MACROD2: variants seen among roughly 807,000 people sequenced by gnomAD.
MACROD2 encodes the protein ADP-ribose glycohydrolase MACROD2.
A neutral mutation model predicts 70.4 loss-of-function variants in MACROD2; 36 were observed. The ratio of observed to expected loss-of-function variants is 0.51; its 90% CI spans 0.39 to 0.68. MACROD2 has a LOEUF of 0.68. Among genes scored for constraint, MACROD2 ranks in the 30% least tolerant of loss-of-function variants. The pLI is 0.00. For missense variants in MACROD2, 496 were observed against 538.4 expected (o/e 0.92, Z 0.78); for synonymous variants, 172 against 178.8 (o/e 0.96, Z 0.30).
In MACROD2 at chr20:15,696,302, A is replaced by G. The variant is rs553285346; in HGVS notation, c.646-166443A>G. Reference sequence around the variant, plus strand: ...TTGTTCTGCATCTATTGAGATGATCATGTGATTTTTTGTTTTTAATTCTGT... The same window carrying G: ...TTGTTCTGCATCTATTGAGATGATCGTGTGATTTTTTGTTTTTAATTCTGT... On this transcript the variant is annotated intron_variant, in intron 8 of 17. Coordinates refer to ENST00000684519, the MANE Select transcript of MACROD2 (RefSeq NM_001351661.2). 1.7e-3 allele frequency among the ~76,000 whole-genome samples: 256 copies of G among 152,306 alleles called. 1 individual carries two copies. Among genetic ancestry groups the G allele is most frequent in the African/African-American group, 5.6e-3 (233 of 41,568 alleles).
rs77804329 is a variant in MACROD2 at position 14,140,578 on chromosome 20, C to G, written c.271+54850C>G. On this transcript the variant is annotated intron_variant, in intron 3 of 17. Coordinates refer to ENST00000684519, the MANE Select transcript of MACROD2 (RefSeq NM_001351661.2). ...CCCTGTATTTTTAATATACATATAC[C>G]CATATCTTTTTAGTCTTAATGTTTT... 2.6e-3 allele frequency among the ~76,000 whole-genome samples: 402 copies of G among 152,148 alleles called. 1 individual carries two copies. The highest frequency in any genetic ancestry group is 9.3e-3 in the African/African-American group (386 of 41,510).
At chr20:15,174,849 GTTGT>G (rs1344714780) in intron 5 of MACROD2, among the ~76,000 whole-genome samples, 20 of 152,092 alleles carry the variant, frequency 1.3e-4, no homozygotes, top group African/African-American at 4.1e-4. Flanking sequence ...TTTTGATGGG[GTTGT>G]TTGTTTTTTT....
Position 14,868,597 on chromosome 20 carries a change from T to A in MACROD2, c.418+183638T>A, listed in dbSNP as rs542098357. ...CAGCCTAGAGTCTAGGGCCCAACTT[T>A]GCATACTGGACTAGAATCATTAAGG... On this transcript the variant is annotated intron_variant, in intron 5 of 17. Coordinates refer to ENST00000684519, the MANE Select transcript of MACROD2 (RefSeq NM_001351661.2). Among the ~76,000 whole-genome samples the A allele has an allele frequency of 2.0e-5, 3 of 152,252 alleles. No individual in the cohort carries two copies. In the South Asian group the frequency reaches 6.2e-4, roughly 32 times the overall value.
intron 3 of MACROD2, chr20:14,323,484 A>G (rs2082686826): frequency 6.6e-6 from 1 of 152,060 alleles, no homozygotes; most frequent in Non-Finnish European, 1.5e-5. Context: ...TTTTTTATGG[A>G]GGCTTGATTA....
At chr20:14,517,514 A>G (rs1231538312) in intron 4 of MACROD2, among the ~76,000 whole-genome samples, 1 of 152,088 alleles carries the variant, frequency 6.6e-6, no homozygotes, top group Non-Finnish European at 1.5e-5. Context: ...AAGGAGGGGA[A>G]CATCACACAC....
At chr20:15,320,763 C>G (rs2077865700) in intron 6 of MACROD2, among the ~76,000 whole-genome samples, 1 of 152,052 alleles carries the variant, frequency 6.6e-6, no homozygotes, top group Non-Finnish European at 1.5e-5. Context: ...TAGTATTCTT[C>G]TATCAACCAG....
intron 2 of MACROD2, among the ~76,000 whole-genome samples, chr20:14,071,260 T>G (rs967000069): frequency 2.8e-5 from 3 of 108,210 alleles, no homozygotes; most frequent in Admixed American, 9.0e-5. Flanking sequence ...GTGTTTTTTT[T>G]TTTTTTTTTT....
intron 5 of MACROD2, among the ~76,000 whole-genome samples, chr20:15,145,179 G>C (rs1986498424): frequency 6.6e-6 from 1 of 152,152 alleles, no homozygotes; most frequent in South Asian, 2.1e-4. Context: ...TCACACTGCT[G>C]TATTCACAGA....
At chr20:14,314,482 C>T (rs1180419894) in intron 3 of MACROD2, among the ~76,000 whole-genome samples, 3 of 152,026 alleles carry the variant, frequency 2.0e-5, no homozygotes, top group Non-Finnish European at 2.9e-5. Flanking sequence ...ATTTTTTGGC[C>T]GTGGGCGGTG....
chr20:15,917,732 A>G (rs2065340091), intron 10 of MACROD2, among the ~76,000 whole-genome samples: 1 of 152,188 alleles, frequency 6.6e-6, no homozygotes, highest in Non-Finnish European at 1.5e-5. Flanking sequence ...AACCAAAAAA[A>G]TCTACGTTTT....
intron 3 of MACROD2, among the ~76,000 whole-genome samples, chr20:14,361,103 T>G (rs956522522): frequency 5.3e-5 from 8 of 152,144 alleles, no homozygotes; most frequent in Non-Finnish European, 1.2e-4. Context: ...TTATACTATC[T>G]ACTTATGTAC....
chr20:14,125,256 A>T (rs2054634094), intron 3 of MACROD2, among the ~76,000 whole-genome samples: 2 of 152,188 alleles, frequency 1.3e-5, no homozygotes, highest in African/African-American at 4.8e-5. Flanking sequence ...TGAATGTTCT[A>T]CATACAACTA....
At chr20:15,663,892 C>A (rs6110712) in intron 8 of MACROD2, among the ~76,000 whole-genome samples, 18,236 of 152,120 alleles carry the variant, frequency 0.12, 1,512 homozygotes, top group East Asian at 0.39. Context: ...AAAAGCAGTG[C>A]GTGTTGCTTC....
chr20:15,494,696 G>A (rs2047271990), intron 7 of MACROD2, among the ~76,000 whole-genome samples: 1 of 151,768 alleles, frequency 6.6e-6, no homozygotes, highest in African/African-American at 2.4e-5. Context: ...GCAGCTTTCT[G>A]GGGTATTAGA....
chr20:15,318,018 C>T (rs1327913074), intron 6 of MACROD2, among the ~76,000 whole-genome samples: 1 of 151,814 alleles, frequency 6.6e-6, no homozygotes, highest in African/African-American at 2.4e-5. Context: ...ACAAAATTGT[C>T]AAATCTTTAG....
At position 14,339,880 on chromosome 20, in the gene MACROD2, G is replaced by A. The variant is rs551939044; in HGVS notation, c.272-153599G>A. 3.9e-5 allele frequency among the ~76,000 whole-genome samples: 6 copies of A among 152,204 alleles called. No homozygotes were observed. The South Asian group carries it at 1.2e-3, about 32-fold the overall frequency. On this transcript the variant is annotated intron_variant, in intron 3 of 17. Coordinates refer to ENST00000684519, the MANE Select transcript of MACROD2 (RefSeq NM_001351661.2). ...GGGCAAACTCTTAGTAGAATCTGTG[G>A]CCTCCTATTCTGTCCAAAAATATAT...
intron 5 of MACROD2, among the ~76,000 whole-genome samples, chr20:14,810,853 A>G (rs1051439692): frequency 3.9e-5 from 6 of 152,132 alleles, no homozygotes; most frequent in African/African-American, 1.4e-4. Context: ...TACGAAGAGA[A>G]TAAAATACCT....
intron 16 of MACROD2, 80 bp from the exon 17 acceptor site, chr20:16,044,491 T>A (rs1211362405): frequency 8.3e-7 from 1 of 1,202,820 alleles, no homozygotes; most frequent in Non-Finnish European, 1.2e-6. Flanking sequence ...CAGGAAAGTA[T>A]CAAATCATGG....
At chr20:14,595,400 G>A (rs550194940) in intron 4 of MACROD2, among the ~76,000 whole-genome samples, 1 of 152,142 alleles carries the variant, frequency 6.6e-6, no homozygotes, top group Non-Finnish European at 1.5e-5. Flanking sequence ...GGCCAGCCTC[G>A]TCCCCGCTGC....
Sources: allele counts gnomAD v4.1 joint callset (sites outside exome capture counted in the v4.1 genomes callset), GRCh38; gene constraint gnomAD v4.1.1; transcripts MANE v1.5; gene names NCBI Gene and HGNC (gene_info 2026-07-23, HGNC 2026-07-21).